The following LARP4B variants were observed in gnomAD, a reference collection of about 807,000 sequenced individuals.
The protein encoded by LARP4B is La ribonucleoprotein 4B, also known as la-related protein 4B.
Under a neutral mutation model 89.8 loss-of-function variants are expected in LARP4B, and 12 were observed. The ratio of observed to expected loss-of-function variants is 0.13; its 90% confidence interval spans 0.09 to 0.22. LARP4B has a LOEUF of 0.22. Among genes scored for constraint, LARP4B ranks in the 10% least tolerant of loss-of-function variants. LARP4B has a pLI of 1.00. For missense variants in LARP4B, 757 were observed against 947.7 expected (o/e 0.80, Z 2.64); for synonymous variants, 367 against 363.3 (o/e 1.01, Z -0.12).
At chr10:864,863 G>C (rs903095706) in intron 3 of LARP4B, among the ~76,000 whole-genome samples, 16 of 152,202 alleles carry the variant, frequency 1.1e-4, no homozygotes, top group African/African-American at 3.9e-4. Context: ...TGAGGCAGGA[G>C]AATCACTTGA....
rs749708128 is a variant in LARP4B, at chr10:842,939, C to G, written c.639G>C (p.Val213=). The G allele has an allele frequency of 6.2e-7, 1 of 1,613,746 alleles. No individual in the cohort carries two copies. Among genetic ancestry groups the G allele is most frequent in the Non-Finnish European group, 8.5e-7 (1 of 1,179,918 alleles). Residue 213 remains valine, a synonymous_variant, in exon 7 of 18, where the codon GTG becomes GTC. Coordinates refer to ENST00000316157, the MANE Select transcript of LARP4B (RefSeq NM_015155.3). ...LSTDVDLIVE[V]LRSLPLVQVD... ...AAATTGTCATTTACTTACATCTTAG[C>G]ACTTCCACAATCAAGTCCACATCAG...
upstream of LARP4B, among the ~76,000 whole-genome samples, chr10:932,757 C>T (rs1830686236): frequency 6.7e-6 from 1 of 149,282 alleles, no homozygotes; most frequent in African/African-American, 2.5e-5. Context: ...ACGAAGGTCC[C>T]GGCCCCGAAG....
intron 11 of LARP4B, among the ~76,000 whole-genome samples, chr10:827,878 T>A (rs1323896754): frequency 6.6e-6 from 1 of 152,212 alleles, no homozygotes; most frequent in Non-Finnish European, 1.5e-5. Flanking sequence ...TTTTATAGAA[T>A]GTGCTACTTC....
intron 15 of LARP4B, chr10:815,861 G>A (rs1043953941): frequency 6.6e-6 from 1 of 152,252 alleles, no homozygotes; most frequent in African/African-American, 2.4e-5. Context: ...TGCAATTCCT[G>A]CGCTCGACCA....
rs1239029003 is a variant in LARP4B at position 870,097 on chromosome 10, A to C, written c.142-5827T>G. Reference sequence around the variant, plus strand: ...GAGGAGTGTTTTCTGAAAACAAAGCAATTTCCAAGGCCTGTGGCTTATGGT... The same window carrying C: ...GAGGAGTGTTTTCTGAAAACAAAGCCATTTCCAAGGCCTGTGGCTTATGGT... On this transcript the variant is annotated intron_variant, in intron 3 of 17. Transcript: ENST00000316157. 3.1e-6 allele frequency: 3 copies of C among 971,638 alleles called. No individual in the cohort carries two copies. The African/African-American group carries it at 5.3e-5, about 17-fold the overall frequency. 60.2% of individuals were successfully genotyped at this position (971,638 alleles called of 1,614,324 possible).
At chr10:827,072 A>C (rs192321278) in intron 11 of LARP4B, among the ~76,000 whole-genome samples, 1 of 152,134 alleles carries the variant, frequency 6.6e-6, no homozygotes, top group South Asian at 2.1e-4. Flanking sequence ...TCAGGAGATC[A>C]AGACCATCCT....
chr10:815,145 CACCCGTGAACAGCCTTGGGAGA>C, intron 15 of LARP4B, 75 bp from the exon 16 acceptor site: 1 of 1,483,112 alleles, frequency 6.7e-7, no homozygotes, highest in South Asian at 1.4e-5. Context: ...CCGTTCACCC[CACCCGTGAACAGCCTTGGGAGA>C]GCAGCACAAG....
At chr10:972,838 C>T in the LARP4B span, 1 of 456,952 alleles carries the variant, frequency 2.2e-6, no homozygotes, top group Non-Finnish European at 4.4e-6. Flanking sequence ...TGCTGCCCAG[C>T]AGGTCTTGGC....
chr10:812,735 AT>A lies in LARP4B; in HGVS notation c.*190del. On this transcript the variant is annotated 3_prime_UTR_variant, in exon 18 of 18. Coordinates refer to ENST00000316157, the MANE Select transcript of LARP4B (RefSeq NM_015155.3). ...CCAACCTAAAATAAGGTTTGTATTA[AT>A]TAAATCCTGAAAAATCGATTTTTTT... is the stretch of plus-strand genomic sequence containing the variant. 1 of 417,734 alleles carries A rather than the reference AT, an allele frequency of 2.4e-6. No homozygotes were observed. The highest frequency in any genetic ancestry group is 4.1e-6 in the Non-Finnish European group (1 of 243,082). The allele number at this position is 417,734 out of a possible 1,614,324, so 25.9% of individuals were successfully genotyped here.
At chr10:961,424 G>A in the LARP4B span, among the ~76,000 whole-genome samples, 4 of 150,484 alleles carry the variant, frequency 2.7e-5, no homozygotes, top group Admixed American at 6.6e-5. Flanking sequence ...GTGAGGCCTC[G>A]GGAAGGTCCA....
chr10:894,840 T>C (rs985440105), intron 1 of LARP4B, among the ~76,000 whole-genome samples: 1 of 152,198 alleles, frequency 6.6e-6, no homozygotes, highest in Non-Finnish European at 1.5e-5. Context: ...GCTAGATGAC[T>C]GGTGAACTGA....
chr10:959,828 A>C, the LARP4B span, among the ~76,000 whole-genome samples: 6 of 52,038 alleles, frequency 1.2e-4, no homozygotes, highest in East Asian at 5.2e-4. Flanking sequence ...CGTCATTCCC[A>C]CCTCCTCGTC....
chr10:845,545 C>T (rs1245394585), intron 5 of LARP4B, among the ~76,000 whole-genome samples: 2 of 152,108 alleles, frequency 1.3e-5, no homozygotes, highest in Non-Finnish European at 2.9e-5. Context: ...CTTCCAGAGT[C>T]GAAGGAACAA....
At chr10:953,800 A>G in the LARP4B span, among the ~76,000 whole-genome samples, 24 of 152,382 alleles carry the variant, frequency 1.6e-4, no homozygotes, top group Non-Finnish European at 2.1e-4. Flanking sequence ...CTTCTGCCTC[A>G]GGATGTGTAG....
chr10:814,633 C>T lies in LARP4B; in HGVS notation c.1929+109G>A. On this transcript the variant is annotated intron_variant, in intron 17 of 17. Coordinates refer to ENST00000316157, the MANE Select transcript of LARP4B (RefSeq NM_015155.3). The surrounding 1 kb of genome is among the most constrained non-coding windows in gnomAD (Gnocchi z 4.4). The stretch of plus-strand genomic sequence containing the variant: ...AACACAGACAGACGCAAATAAAAAC[C>T]CACCAAATTAGATGTGATTAAAAAA... 2 of 1,549,896 alleles carry T rather than the reference C, an allele frequency of 1.3e-6. No homozygotes were observed. Among genetic ancestry groups the T allele is most frequent in the Non-Finnish European group, 8.7e-7 (1 of 1,146,448 alleles).
At chr10:818,123 G>A in intron 14 of LARP4B, 1 of 462,830 alleles carries the variant, frequency 2.2e-6, no homozygotes, top group Non-Finnish European at 3.9e-6. Flanking sequence ...AAAGGACACA[G>A]TGAGGCTAAG....
chr10:815,895 CAA>C (rs1011946294), intron 15 of LARP4B, among the ~76,000 whole-genome samples: 2 of 152,208 alleles, frequency 1.3e-5, no homozygotes, highest in Non-Finnish European at 2.9e-5. Flanking sequence ...TTGGTGGAAA[CAA>C]GAGGGCAAAG....
chr10:827,081 C>T (rs1346484082), intron 11 of LARP4B, among the ~76,000 whole-genome samples: 3 of 152,134 alleles, frequency 2.0e-5, no homozygotes, highest in South Asian at 2.1e-4. Flanking sequence ...CAAGACCATC[C>T]TGGCTAACAT....
chr10:959,348 C>A, the LARP4B span, among the ~76,000 whole-genome samples: 2 of 144,750 alleles, frequency 1.4e-5, 1 homozygote, highest in South Asian at 4.3e-4. Flanking sequence ...CCTCATCAAT[C>A]CCACCTCCCC....
Sources: gnomAD v4.1 joint callset for allele counts (sites outside exome capture counted in the v4.1 genomes callset) on GRCh38, gnomAD v4.1.1 for gene constraint, Gnocchi (gnomAD v3.1) non-coding constraint, MANE v1.5 for transcripts, NCBI Gene and HGNC (gene_info 2026-07-23, HGNC 2026-07-21) for gene names.